Variants in NRG3 observed in about 807,000 individuals in gnomAD.
NRG3 encodes neuregulin 3, also known as pro-neuregulin-3, membrane-bound isoform.
In NRG3, 31 loss-of-function variants were observed where a neutral mutation model predicts 66.9. The ratio of observed to expected loss-of-function variants is 0.46; its 90% CI spans 0.35 to 0.63. The LOEUF is 0.63. Ranked by LOEUF, NRG3 falls within the 20% of genes least tolerant of loss-of-function variation. The pLI is 0.00. For synonymous variants in NRG3, 393 were observed against 359.4 expected, an observed-to-expected ratio of 1.09 and a Z score of -1.06; for missense variants, 910 against 878.9, an observed-to-expected ratio of 1.04 and a Z score of -0.45.
intron 1 of NRG3, among the ~76,000 whole-genome samples, chr10:81,904,941 G>A (rs1844441571): frequency 6.6e-6 from 1 of 152,006 alleles, no homozygotes; most frequent in African/African-American, 2.4e-5. Flanking sequence ...AGCAGTAAGT[G>A]CTGAAAAAAA....
intron 2 of NRG3, among the ~76,000 whole-genome samples, chr10:82,380,638 A>G (rs1472407189): frequency 6.6e-6 from 1 of 152,212 alleles, no homozygotes. Flanking sequence ...ATGAGTACAG[A>G]TTAACACTGA....
At chr10:82,241,075 C>T (rs1017224511) in intron 1 of NRG3, among the ~76,000 whole-genome samples, 1 of 152,050 alleles carries the variant, frequency 6.6e-6, no homozygotes, top group South Asian at 2.1e-4. Context: ...CCTGCTGATT[C>T]TCTGAGCTAG....
rs565238553 is a variant in NRG3, at chr10:82,845,368, A to T, written c.1028-20043A>T. On this transcript the variant is annotated intron_variant, in intron 3 of 8. Transcript: ENST00000372141. ...TAACCACTGATGTTATCCCTACTCA[A>T]TAAGCCCTTCCTGAAGAGGCCAGAT... Among the ~76,000 whole-genome samples the T allele has an allele frequency of 9.0e-4, 137 of 152,334 alleles. 2 individuals carry two copies. In the South Asian group the frequency reaches 0.012, roughly 14 times the overall value.
chr10:82,005,897 T>TGTGTGTG (rs2061361174), intron 1 of NRG3, among the ~76,000 whole-genome samples: 2 of 148,730 alleles, frequency 1.3e-5, no homozygotes, highest in Non-Finnish European at 3.0e-5. Context: ...AATGTGTATT[T>TGTGTGTG]TGTGTGTGTG....
intron 2 of NRG3, among the ~76,000 whole-genome samples, chr10:82,508,413 C>T (rs776375832): frequency 5.3e-5 from 8 of 152,152 alleles, no homozygotes; most frequent in Non-Finnish European, 1.2e-4. Flanking sequence ...GAAGTTAAAA[C>T]ATCACCATCC....
At chr10:82,600,313 CAT>C (rs1326194242) in intron 2 of NRG3, among the ~76,000 whole-genome samples, 2 of 152,038 alleles carry the variant, frequency 1.3e-5, no homozygotes, top group African/African-American at 4.8e-5. Context: ...CACATATTAA[CAT>C]GTATAAATTC....
At chr10:82,164,788 A>G (rs538355272) in intron 1 of NRG3, among the ~76,000 whole-genome samples, 16 of 152,306 alleles carry the variant, frequency 1.1e-4, no homozygotes, top group Admixed American at 7.8e-4. Flanking sequence ...AGGAAAGCAA[A>G]TAAGAGTTCT....
intron 1 of NRG3, among the ~76,000 whole-genome samples, chr10:81,948,357 A>G (rs1849034285): frequency 6.6e-6 from 1 of 152,166 alleles, no homozygotes. Context: ...CTTAGATTCC[A>G]GAAAAAAATG....
chr10:82,471,661 A>G (rs1841277435), intron 2 of NRG3, among the ~76,000 whole-genome samples: 1 of 152,204 alleles, frequency 6.6e-6, no homozygotes, highest in Non-Finnish European at 1.5e-5. Flanking sequence ...CTGTAATCCC[A>G]GCACTTTGGG....
At chr10:82,165,402 C>T (rs1050869268) in intron 1 of NRG3, among the ~76,000 whole-genome samples, 5 of 151,998 alleles carry the variant, frequency 3.3e-5, no homozygotes, top group African/African-American at 7.2e-5. Flanking sequence ...TTGGCTTTGG[C>T]AAAACCGAAT....
chr10:81,931,419 A>G (rs1847338305), intron 1 of NRG3, among the ~76,000 whole-genome samples: 1 of 152,214 alleles, frequency 6.6e-6, no homozygotes, highest in Non-Finnish European at 1.5e-5. Flanking sequence ...CCCTGAAACC[A>G]GACTTAGAAG....
chr10:81,910,782 G>T (rs1845062607), intron 1 of NRG3, among the ~76,000 whole-genome samples: 1 of 152,100 alleles, frequency 6.6e-6, no homozygotes, highest in African/African-American at 2.4e-5. Flanking sequence ...CTCCTGAGTA[G>T]CTGGGACTAC....
At chr10:82,167,540 TA>T (rs918510396) in intron 1 of NRG3, among the ~76,000 whole-genome samples, 1 of 152,112 alleles carries the variant, frequency 6.6e-6, no homozygotes, top group Non-Finnish European at 1.5e-5. Flanking sequence ...AAAATATGTA[TA>T]AGCTTCATAT....
In NRG3 at chr10:82,858,942, CT is replaced by C. The variant is rs534067829; in HGVS notation, c.1028-6447del. ...ATTTAACTTCAAGGCAGTAGTCTAACTTTTTTTTTTTTTTTTTTTTTTGAGA... is the reference window on the plus strand; with the variant it reads ...ATTTAACTTCAAGGCAGTAGTCTAACTTTTTTTTTTTTTTTTTTTTTGAGA... On this transcript the variant is annotated intron_variant, in intron 3 of 8. Coordinates refer to ENST00000372141, the MANE Select transcript of NRG3 (RefSeq NM_001010848.4). Among the ~76,000 whole-genome samples the C allele has an allele frequency of 4.0e-3, 491 of 124,218 alleles. 2 individuals are homozygous for C. The highest frequency in any genetic ancestry group is 0.025 in the East Asian group (115 of 4,516). 81.5% of individuals were successfully genotyped at this position (124,218 alleles called of 152,430 possible).
chr10:82,939,605 G>A (rs1320750935), intron 4 of NRG3, among the ~76,000 whole-genome samples: 1 of 151,692 alleles, frequency 6.6e-6, no homozygotes, highest in Non-Finnish European at 1.5e-5. Flanking sequence ...GAGTAGCTGG[G>A]ACTACAGGCG....
At chr10:81,932,045 T>C (rs916506076) in intron 1 of NRG3, among the ~76,000 whole-genome samples, 1 of 152,140 alleles carries the variant, frequency 6.6e-6, no homozygotes, top group Non-Finnish European at 1.5e-5. Flanking sequence ...CTGCAGGTTT[T>C]ATAGAAAGCT....
In NRG3 at chr10:82,662,361, A is replaced by T. The variant is rs1017495344; in HGVS notation, c.954-76216A>T. 2.6e-4 allele frequency among the ~76,000 whole-genome samples: 35 copies of T among 135,824 alleles called. 1 individual carries two copies. The highest frequency in any genetic ancestry group is 4.4e-4 in the Non-Finnish European group (29 of 65,320). 89.1% of individuals were successfully genotyped at this position (135,824 alleles called of 152,430 possible). A position where few individuals can be genotyped will look rare whatever the true frequency, so the allele number is the denominator to read the frequency against. The stretch of plus-strand genomic sequence containing the variant: ...CAGCAAGGCTCAAACAGACTCTTTT[A>T]AAAAAAAAAAAATCATGAATTCTCA... On this transcript the variant is annotated intron_variant, in intron 2 of 8. Transcript: ENST00000372141.
At chr10:82,009,961 A>C (rs1448626470) in intron 1 of NRG3, among the ~76,000 whole-genome samples, 1 of 152,190 alleles carries the variant, frequency 6.6e-6, no homozygotes, top group African/African-American at 2.4e-5. Context: ...TTACTCAGTG[A>C]AAGAAGTAGA....
At chr10:82,219,007 A>G (rs1479352765) in intron 1 of NRG3, among the ~76,000 whole-genome samples, 2 of 151,954 alleles carry the variant, frequency 1.3e-5, no homozygotes, top group South Asian at 2.1e-4. Context: ...CCATTATTAG[A>G]ATTCTTTCAC....
Sources: allele counts gnomAD v4.1 joint callset (sites outside exome capture counted in the v4.1 genomes callset), GRCh38; gene constraint gnomAD v4.1.1; transcripts MANE v1.5; gene names NCBI Gene and HGNC (gene_info 2026-07-23, HGNC 2026-07-21).